PDHX: variants seen among roughly 807,000 people sequenced by gnomAD.
PDHX encodes the protein pyruvate dehydrogenase protein X component, mitochondrial.
PDHX carries 33 observed loss-of-function variants against 55.3 expected under a neutral mutation model. That is an observed-to-expected ratio of 0.60 (90% CI 0.45 to 0.80). PDHX has a LOEUF of 0.80. PDHX is among the 30% of genes least tolerant of loss of function. PDHX has a pLI of 0.00. For synonymous variants in PDHX, 226 were observed against 219.4 expected, an observed-to-expected ratio of 1.03 and a Z score of -0.27; for missense variants, 622 against 619.9, an observed-to-expected ratio of 1.00 and a Z score of -0.04.
intron 6 of PDHX, among the ~76,000 whole-genome samples, chr11:34,969,714 T>G (rs996722565): frequency 4.6e-5 from 7 of 152,050 alleles, no homozygotes; most frequent in African/African-American, 9.7e-5. Flanking sequence ...ATGTCTGTCT[T>G]CTCTCTCCTC....
At chr11:34,960,547 T>C (rs1855002813) in intron 5 of PDHX, 29 bp downstream of exon 5, 1 of 1,246,940 alleles carries the variant, frequency 8.0e-7, no homozygotes, top group African/African-American at 1.5e-5. Flanking sequence ...TAATAACCAG[T>C]TCCATTATTT....
chr11:34,980,486 A>T (rs1855487009), intron 8 of PDHX, among the ~76,000 whole-genome samples: 1 of 150,990 alleles, frequency 6.6e-6, no homozygotes, highest in South Asian at 2.1e-4. Context: ...CGTGTCCCAT[A>T]AGTCTTCTTT....
At chr11:34,988,618 A>G (rs1467236842) in intron 9 of PDHX, among the ~76,000 whole-genome samples, 1 of 152,112 alleles carries the variant, frequency 6.6e-6, no homozygotes, top group Admixed American at 6.6e-5. Flanking sequence ...ATTAACAAGA[A>G]GAATAGCTAA....
intron 1 of PDHX, among the ~76,000 whole-genome samples, chr11:34,918,440 A>AGG (rs1853795271): frequency 5.7e-5 from 3 of 52,662 alleles, no homozygotes; most frequent in Non-Finnish European, 1.3e-4. Flanking sequence ...CTGTCTCAGG[A>AGG]GAAAAAAAAA....
At chr11:34,952,304 A>G (rs1854793553) in intron 3 of PDHX, among the ~76,000 whole-genome samples, 1 of 152,064 alleles carries the variant, frequency 6.6e-6, no homozygotes, top group Admixed American at 6.6e-5. Context: ...TATTCCAATC[A>G]ATAGAAAAAG....
intron 2 of PDHX, among the ~76,000 whole-genome samples, chr11:34,933,384 C>T (rs1226008033): frequency 6.6e-6 from 1 of 152,072 alleles, no homozygotes; most frequent in Non-Finnish European, 1.5e-5. Context: ...AAAGTATAAT[C>T]CTCAACTGTT....
At position 34,947,604 on chromosome 11, in the gene PDHX, G is replaced by A. The variant is rs765036658; in HGVS notation, c.340G>A (p.Val114Met). ...ASDDGILAKI[V>M]VEEGSKNIRL... The stretch of plus-strand genomic sequence containing the variant: ...TGATGATGGAATCTTGGCCAAAATC[G>A]TGGTAAGTTTTTATTTTAATTTTCT... The change falls in exon 3 of 11, where the codon GTG becomes ATG. Residue 114 changes from valine (V) to methionine (M), a missense_variant and splice_region_variant. By Grantham distance (21) the Val-to-Met change is conservative. Transcript: ENST00000227868. 1.3e-5 allele frequency: 20 copies of A among 1,596,022 alleles called. No individual in the cohort carries two copies. Among genetic ancestry groups the A allele is most frequent in the South Asian group, 4.4e-5 (4 of 90,862 alleles).
rs886048248 is a variant in PDHX at position 34,970,163 on chromosome 11, A to G, written c.841A>G (p.Ser281Gly). 12 of 1,613,658 alleles carry G rather than the reference A, an allele frequency of 7.4e-6. No individual in the cohort carries two copies. The East Asian group carries it at 2.5e-4, about 33-fold the overall frequency. ...GGGCACATTCACTGAAATCCCCGCC[A>G]GCAATATTCGAAGAGTTATTGCCAA... ...AVGTFTEIPA[S>G]NIRRVIAKRL... Residue 281 changes from serine (S) to glycine (G), a missense_variant, in exon 7 of 11, where the codon AGC becomes GGC. Coordinates refer to ENST00000227868, the MANE Select transcript of PDHX (RefSeq NM_003477.3).
chr11:34,978,067 G>T lies in PDHX; in HGVS notation c.965-57G>T, dbSNP rs1855417278. The stretch of plus-strand genomic sequence containing the variant: ...AATTTACAAGTTTGAAGTTGTAATG[G>T]TCAATGTTAAAGTTATATTAGGAAT... On this transcript the variant is annotated intron_variant, in intron 7 of 10. Coordinates refer to ENST00000227868, the MANE Select transcript of PDHX (RefSeq NM_003477.3). 19 of 893,714 alleles carry T rather than the reference G, an allele frequency of 2.1e-5. No individual in the cohort carries two copies. The South Asian group carries it at 2.2e-4, about 10-fold the overall frequency. The allele number at this position is 893,714 out of a possible 1,614,324, so 55.4% of individuals were successfully genotyped here. A position where few individuals can be genotyped will look rare whatever the true frequency, so the allele number is the denominator to read the frequency against.
chr11:34,924,334 C>T (rs1193679489), intron 1 of PDHX, among the ~76,000 whole-genome samples: 4 of 152,112 alleles, frequency 2.6e-5, no homozygotes, highest in Non-Finnish European at 4.4e-5. Flanking sequence ...CTCTGCCTCC[C>T]GGTTTCAGGC....
upstream of PDHX, chr11:34,916,150 T>C (rs2016814): frequency 0.79 from 1,225,292 of 1,543,634 alleles, 487,612 homozygotes; most frequent in East Asian, 0.82. Context: ...CCCGCTACCC[T>C]GCGCCCAGCT....
At chr11:34,941,406 TATC>T (rs1181015371) in intron 2 of PDHX, among the ~76,000 whole-genome samples, 1 of 152,202 alleles carries the variant, frequency 6.6e-6, no homozygotes, top group Non-Finnish European at 1.5e-5. Flanking sequence ...TTACTATTTT[TATC>T]ATAGTGTCGC....
chr11:34,981,535 C>G (rs1855513890), intron 8 of PDHX, among the ~76,000 whole-genome samples: 1 of 152,188 alleles, frequency 6.6e-6, no homozygotes, highest in Admixed American at 6.5e-5. Context: ...ATTGCTGGGT[C>G]AAATGGTATT....
At chr11:34,978,225 T>C in intron 8 of PDHX, 43 bp downstream of exon 8, 1 of 1,139,618 alleles carries the variant, frequency 8.8e-7, no homozygotes, top group South Asian at 1.3e-5. Context: ...TTAAGTAGTT[T>C]CATGTCGTGG....
intron 9 of PDHX, among the ~76,000 whole-genome samples, chr11:34,988,261 T>C (rs1301279120): frequency 6.6e-6 from 1 of 152,196 alleles, no homozygotes; most frequent in African/African-American, 2.4e-5. Flanking sequence ...GCATACTTTG[T>C]ACCAGTTTTT....
chr11:34,931,295 A>T, intron 1 of PDHX, 109 bp from the exon 2 acceptor site: 1 of 710,142 alleles, frequency 1.4e-6, no homozygotes, highest in Non-Finnish European at 2.6e-6. Flanking sequence ...AGACTTTGGA[A>T]TACCTTCTTT....
At position 34,984,639 on chromosome 11, in the gene PDHX, G is replaced by A. The variant is rs180948326; in HGVS notation, c.1093G>A (p.Val365Met). ...GCAACTGCCATTTATTGACATTTCAGTGGCTGTGGCAACAGATAAAGGCTT... is the reference window on the plus strand; with the variant it reads ...GCAACTGCCATTTATTGACATTTCAATGGCTGTGGCAACAGATAAAGGCTT... ...PKQLPFIDIS[V>M]AVATDKGLLT... The change falls in exon 9 of 11, where the codon GTG (valine) becomes ATG (methionine). Residue 365 changes from valine to methionine, a missense_variant. Physicochemically the swap from Val to Met is conservative, Grantham distance 21 (BLOSUM62 1). Coordinates refer to ENST00000227868, the MANE Select transcript of PDHX (RefSeq NM_003477.3). 3.7e-6 allele frequency: 6 copies of A among 1,613,882 alleles called. No homozygotes were observed. In the African/African-American group the frequency reaches 8.0e-5, roughly 22 times the overall value.
At chr11:34,988,922 A>G (rs1011518) in intron 9 of PDHX, among the ~76,000 whole-genome samples, 98,457 of 152,072 alleles carry the variant, frequency 0.65, 32,309 homozygotes, top group East Asian at 0.75. Flanking sequence ...ATCTCTTACC[A>G]TGCTTAATTT....
chr11:34,931,973 T>C lies in PDHX; in HGVS notation c.241+489T>C, dbSNP rs375975968. On this transcript the variant is annotated intron_variant, in intron 2 of 10. Coordinates refer to ENST00000227868, the MANE Select transcript of PDHX (RefSeq NM_003477.3). ...TGTAGCCCTGCTAATTATTGAAATA[T>C]AGTATTAAGCATTTCTAATTAAAAC... 2.9e-4 allele frequency among the ~76,000 whole-genome samples: 44 copies of C among 152,192 alleles called. No individual in the cohort carries two copies. In the South Asian group the frequency reaches 5.0e-3, roughly 17 times the overall value.
Sources: allele counts gnomAD v4.1 joint callset (sites outside exome capture counted in the v4.1 genomes callset), GRCh38; gene constraint gnomAD v4.1.1; transcripts MANE v1.5; gene names NCBI Gene and HGNC (gene_info 2026-07-23, HGNC 2026-07-21).